MTUS2: variants seen among roughly 807,000 people sequenced by gnomAD.
MTUS2 encodes microtubule-associated tumor suppressor candidate 2.
MTUS2 carries 40 observed loss-of-function variants against 114.1 expected under a neutral mutation model. That is an observed-to-expected ratio of 0.35 (90% confidence interval 0.27 to 0.46). The LOEUF is 0.46. Among genes scored for constraint, MTUS2 ranks in the 20% least tolerant of loss-of-function variants. The pLI, the probability that MTUS2 is intolerant of heterozygous loss-of-function variation, is 1.00. For missense variants in MTUS2, 1,679 were observed against 1,705.4 expected (o/e 0.98, Z 0.27); for synonymous variants, 688 against 672.0 (o/e 1.02, Z -0.37).
chr13:29,129,306 G>C (rs1018027972), intron 5 of MTUS2, among the ~76,000 whole-genome samples: 1 of 151,702 alleles, frequency 6.6e-6, no homozygotes, highest in African/African-American at 2.4e-5. Context: ...CATTGGGCCA[G>C]AGTCCAGATT....
chr13:29,496,875 C>T lies in MTUS2; in HGVS notation c.3580-363C>T, dbSNP rs527366908. Among the ~76,000 whole-genome samples the T allele has an allele frequency of 3.9e-5, 6 of 152,238 alleles. No individual in the cohort carries two copies. The highest frequency in any genetic ancestry group is 1.2e-4 in the African/African-American group (5 of 41,548). ...GAATACATCTTTGAAATACATTCAT[C>T]GCGGTCCTTCCCAAAGCCAGGGGCT... On this transcript the variant is annotated intron_variant, in intron 12 of 15. Coordinates refer to ENST00000612955, the MANE Select transcript of MTUS2 (RefSeq NM_001033602.4). The surrounding 1 kb of genome is among the most constrained non-coding windows in gnomAD (Gnocchi z 4.3).
At chr13:29,216,639 C>T (rs999459572) in intron 5 of MTUS2, among the ~76,000 whole-genome samples, 16 of 152,136 alleles carry the variant, frequency 1.1e-4, no homozygotes, top group African/African-American at 2.7e-4. Context: ...TTGCACTTCC[C>T]GGGTGAGCTG....
intron 3 of MTUS2, among the ~76,000 whole-genome samples, chr13:29,030,465 G>A (rs867131631): frequency 2.6e-5 from 4 of 152,154 alleles, no homozygotes; most frequent in Non-Finnish European, 4.4e-5. Context: ...CTCAGGTTGC[G>A]CTGGGCTCAT....
chr13:29,437,385 C>A (rs1390153717), intron 8 of MTUS2, among the ~76,000 whole-genome samples: 3 of 152,132 alleles, frequency 2.0e-5, no homozygotes, highest in Non-Finnish European at 4.4e-5. Context: ...CAGAACTATT[C>A]TTGACAGTAA....
At chr13:28,901,020 CTCCA>C (rs1879614876) in intron 2 of MTUS2, among the ~76,000 whole-genome samples, 1 of 152,212 alleles carries the variant, frequency 6.6e-6, no homozygotes, top group Admixed American at 6.5e-5. Context: ...GAACCTGTTT[CTCCA>C]CATCCTCAGC....
intron 5 of MTUS2, among the ~76,000 whole-genome samples, chr13:29,197,820 G>A (rs1328345226): frequency 6.6e-6 from 1 of 152,156 alleles, no homozygotes; most frequent in Admixed American, 6.5e-5. Context: ...GTGATGATGA[G>A]CGTTTTTTCA....
chr13:29,081,427 T>C (rs1419916491), intron 4 of MTUS2, among the ~76,000 whole-genome samples: 4 of 152,068 alleles, frequency 2.6e-5, no homozygotes, highest in African/African-American at 7.2e-5. Context: ...TAAGCCCTTA[T>C]GGTGCTCTAT....
intron 4 of MTUS2, among the ~76,000 whole-genome samples, chr13:29,062,240 C>T (rs1034763055): frequency 6.6e-6 from 1 of 152,222 alleles, no homozygotes; most frequent in East Asian, 1.9e-4. Context: ...CCTGCCTCAG[C>T]CTCCCAAAGT....
intron 2 of MTUS2, among the ~76,000 whole-genome samples, chr13:28,935,366 TAGG>T (rs1179820305): frequency 6.6e-6 from 1 of 152,156 alleles, no homozygotes; most frequent in Admixed American, 6.5e-5. Context: ...TGTTGAGTTT[TAGG>T]AGAGAATTCC....
chr13:28,868,563 A>G (rs1485425720), intron 2 of MTUS2, among the ~76,000 whole-genome samples: 1 of 152,188 alleles, frequency 6.6e-6, no homozygotes, highest in Non-Finnish European at 1.5e-5. Context: ...GAATAGATGA[A>G]TGCATCCTTA....
intron 2 of MTUS2, among the ~76,000 whole-genome samples, chr13:28,887,921 A>C (rs922303937): frequency 6.6e-6 from 1 of 152,126 alleles, no homozygotes; most frequent in Non-Finnish European, 1.5e-5. Context: ...CCTCTGTCCT[A>C]AACTCTAAGA....
intron 2 of MTUS2, among the ~76,000 whole-genome samples, chr13:29,010,206 G>A (rs1361443816): frequency 9.3e-6 from 1 of 107,810 alleles, no homozygotes; most frequent in Non-Finnish European, 1.9e-5. Flanking sequence ...GCAAGACTCC[G>A]TCTCAAAAAA....
At chr13:29,243,792 T>C (rs1896813820) in intron 5 of MTUS2, among the ~76,000 whole-genome samples, 1 of 152,192 alleles carries the variant, frequency 6.6e-6, no homozygotes, top group South Asian at 2.1e-4. Context: ...GAACAGAAAC[T>C]CATTCAGCTG....
chr13:29,026,020 C>T lies in MTUS2; in HGVS notation c.1322C>T (p.Pro441Leu), dbSNP rs1026219776. 1.9e-6 allele frequency: 3 copies of T among 1,613,822 alleles called. No homozygotes were observed. Among genetic ancestry groups the T allele is most frequent in the African/African-American group, 2.7e-5 (2 of 74,890 alleles). The change falls in exon 3 of 16, where the codon CCT becomes CTT. Residue 441 changes from proline to leucine, a missense_variant. Pro to Leu is a moderately conservative substitution (Grantham distance 98, BLOSUM62 -3). Around this residue, in one of 3 missense-constraint regions of MTUS2, gnomAD observed 843 missense variants for 770.8 expected, o/e 1.09. Coordinates refer to ENST00000612955, the MANE Select transcript of MTUS2 (RefSeq NM_001033602.4). ...GGTGACAGTCATGTGGCTTTTATTCCTAATAATCTGACTGACAGCAAGCCC... is the reference window on the plus strand; with the variant it reads ...GGTGACAGTCATGTGGCTTTTATTCTTAATAATCTGACTGACAGCAAGCCC... The part of the protein sequence containing the change: ...SPGDSHVAFI[P>L]NNLTDSKPLD...
intron 2 of MTUS2, among the ~76,000 whole-genome samples, chr13:28,904,244 T>C (rs1421367367): frequency 6.6e-6 from 1 of 152,238 alleles, no homozygotes; most frequent in Non-Finnish European, 1.5e-5. Context: ...TCTTTTGCTG[T>C]GCAGAAGCTC....
intron 8 of MTUS2, among the ~76,000 whole-genome samples, chr13:29,406,121 AGG>A: frequency 2.0e-5 from 3 of 152,200 alleles, no homozygotes; most frequent in Admixed American, 1.3e-4. Context: ...TTTCAGATAG[AGG>A]CATAGCCTGC....
intron 4 of MTUS2, among the ~76,000 whole-genome samples, chr13:29,095,404 C>T (rs1171911145): frequency 6.6e-6 from 1 of 152,066 alleles, no homozygotes; most frequent in Non-Finnish European, 1.5e-5. Flanking sequence ...TGAACTATCC[C>T]TCTTCATTCT....
intron 8 of MTUS2, among the ~76,000 whole-genome samples, chr13:29,403,198 A>G (rs996510518): frequency 6.6e-6 from 1 of 152,158 alleles, no homozygotes; most frequent in African/African-American, 2.4e-5. Flanking sequence ...GTGCACACAG[A>G]CTTGTGCCTT....
At chr13:28,972,898 C>A (rs1378127207) in intron 2 of MTUS2, among the ~76,000 whole-genome samples, 1 of 152,012 alleles carries the variant, frequency 6.6e-6, no homozygotes, top group African/African-American at 2.4e-5. Context: ...TAGTTAAGCC[C>A]CTATCTAAAT....
Sources: gnomAD v4.1 joint callset for allele counts (sites outside exome capture counted in the v4.1 genomes callset) on GRCh38, gnomAD v4.1.1 for gene constraint, gnomAD v4.1.1 regional missense constraint, Gnocchi (gnomAD v3.1) non-coding constraint, MANE v1.5 for transcripts, NCBI Gene and HGNC (gene_info 2026-07-23, HGNC 2026-07-21) for gene names.